The following NRXN3 variants were observed in gnomAD, a reference collection of about 807,000 sequenced individuals.
NRXN3 encodes neurexin III.
Under a neutral mutation model 137.6 loss-of-function variants are expected in NRXN3, and 32 were observed. The ratio of observed to expected loss-of-function variants is 0.23; its 90% CI spans 0.18 to 0.31. The LOEUF (loss-of-function observed/expected upper bound fraction) is 0.31. Ranked by LOEUF, NRXN3 falls within the 10% of genes least tolerant of loss-of-function variation. The probability of loss-of-function intolerance (pLI) is 1.00; values close to 1 mark genes in which losing one functional copy is unlikely to be tolerated. For synonymous variants in NRXN3, 798 were observed against 784.5 expected, an observed-to-expected ratio of 1.02 and a Z score of -0.29; for missense variants, 1,574 against 2,062.5, an observed-to-expected ratio of 0.76 and a Z score of 4.59.
intron 8 of NRXN3, among the ~76,000 whole-genome samples, chr14:78,715,565 A>G (rs2098427506): frequency 6.6e-6 from 1 of 152,144 alleles, no homozygotes; most frequent in Non-Finnish European, 1.5e-5. Context: ...GTTTTTATGG[A>G]GCTTGCTGCC....
chr14:79,049,449 C>T (rs916975076), intron 15 of NRXN3, among the ~76,000 whole-genome samples: 5 of 152,228 alleles, frequency 3.3e-5, no homozygotes, highest in Non-Finnish European at 7.4e-5. Context: ...TTGCTATTTC[C>T]ACCACATCTG....
chr14:78,428,139 T>C (rs1420344402), intron 4 of NRXN3, among the ~76,000 whole-genome samples: 2 of 152,218 alleles, frequency 1.3e-5, no homozygotes, highest in Non-Finnish European at 2.9e-5. Flanking sequence ...ACCACAAACA[T>C]AGCACCTGCC....
At chr14:79,490,186 G>C (rs2096702773) in intron 16 of NRXN3, among the ~76,000 whole-genome samples, 1 of 152,056 alleles carries the variant, frequency 6.6e-6, no homozygotes, top group South Asian at 2.1e-4. Flanking sequence ...ATAACATGGA[G>C]AAAAGGGAAC....
chr14:78,587,247 T>C (rs903699933), intron 4 of NRXN3, among the ~76,000 whole-genome samples: 2 of 152,206 alleles, frequency 1.3e-5, no homozygotes, highest in African/African-American at 4.8e-5. Flanking sequence ...CATTTCTTAT[T>C]GGTCCTTCTC....
intron 16 of NRXN3, among the ~76,000 whole-genome samples, chr14:79,625,042 T>C (rs898012621): frequency 9.9e-5 from 15 of 152,066 alleles, no homozygotes; most frequent in African/African-American, 3.1e-4. Flanking sequence ...CAAGTGATTC[T>C]CCCACCTCAG....
intron 1 of NRXN3, among the ~76,000 whole-genome samples, chr14:78,170,952 C>CTTCT (rs1053934688): frequency 3.2e-5 from 4 of 126,188 alleles, no homozygotes; most frequent in South Asian, 2.7e-4. Context: ...TCTTCTTCTT[C>CTTCT]TTTTTTTTTT....
chr14:79,771,512 C>G (rs1420630827), intron 19 of NRXN3, among the ~76,000 whole-genome samples: 8,268 of 91,810 alleles, frequency 0.09, no homozygotes, highest in Non-Finnish European at 0.097. Context: ...TAAACAGAAC[C>G]AAAGACAAAA....
chr14:79,743,180 G>A (rs2098968492), intron 19 of NRXN3, among the ~76,000 whole-genome samples: 1 of 152,088 alleles, frequency 6.6e-6, no homozygotes, highest in African/African-American at 2.4e-5. Context: ...GTATTTTAAA[G>A]GAATATATTT....
At chr14:79,675,779 AAGAC>A (rs1468738544) in intron 17 of NRXN3, among the ~76,000 whole-genome samples, 1 of 152,096 alleles carries the variant, frequency 6.6e-6, no homozygotes, top group African/African-American at 2.4e-5. Flanking sequence ...TTCAACACCA[AAGAC>A]AGACACAGAT....
chr14:78,600,964 T>C (rs906483828), intron 4 of NRXN3, among the ~76,000 whole-genome samples: 2 of 152,162 alleles, frequency 1.3e-5, no homozygotes, highest in Non-Finnish European at 2.9e-5. Context: ...TGTCACCAGA[T>C]CTTACAATTC....
intron 4 of NRXN3, among the ~76,000 whole-genome samples, chr14:78,385,440 AAATT>A (rs1245145059): frequency 2.0e-5 from 3 of 152,324 alleles, no homozygotes; most frequent in Non-Finnish European, 2.9e-5. Flanking sequence ...CAAAAAATTG[AAATT>A]AATTGTGTTA....
chr14:78,791,620 A>G (rs1186637208), intron 8 of NRXN3, among the ~76,000 whole-genome samples: 3 of 152,212 alleles, frequency 2.0e-5, no homozygotes, highest in East Asian at 1.9e-4. Context: ...GGAGAAAAAA[A>G]TATATGTAAT....
At chr14:79,385,966 A>G (rs571920304) in intron 15 of NRXN3, among the ~76,000 whole-genome samples, 1 of 152,174 alleles carries the variant, frequency 6.6e-6, no homozygotes, top group South Asian at 2.1e-4. Flanking sequence ...AAATCATAAG[A>G]GCTATCTATG....
chr14:78,977,098 A>C (rs138755434), intron 14 of NRXN3, among the ~76,000 whole-genome samples: 2 of 152,198 alleles, frequency 1.3e-5, no homozygotes, highest in Non-Finnish European at 2.9e-5. Context: ...TGAGGTTTAG[A>C]GTTTAATATC....
At chr14:79,634,834 C>T (rs1375151218) in intron 16 of NRXN3, among the ~76,000 whole-genome samples, 5 of 152,180 alleles carry the variant, frequency 3.3e-5, no homozygotes, top group Admixed American at 6.5e-5. Flanking sequence ...CGTCTAGCCT[C>T]GCCAGACTCT....
At chr14:78,569,082 C>A (rs2096864452) in intron 4 of NRXN3, among the ~76,000 whole-genome samples, 2 of 150,424 alleles carry the variant, frequency 1.3e-5, no homozygotes, top group African/African-American at 4.9e-5. Context: ...ATTCTTCTGC[C>A]TCAGCCTCCT....
At chr14:79,683,469 A>G (rs2098680545) in intron 17 of NRXN3, among the ~76,000 whole-genome samples, 1 of 152,206 alleles carries the variant, frequency 6.6e-6, no homozygotes, top group African/African-American at 2.4e-5. Context: ...GTATACTGTA[A>G]TGTACAGAGA....
intron 5 of NRXN3, among the ~76,000 whole-genome samples, chr14:78,648,098 A>G (rs776883803): frequency 2.2e-4 from 33 of 152,228 alleles, no homozygotes; most frequent in Non-Finnish European, 1.5e-4. Flanking sequence ...GTCAGGACCA[A>G]GGCCAGGTAT....
chr14:78,650,574 A>G (rs1042562271), intron 5 of NRXN3, among the ~76,000 whole-genome samples: 2 of 151,976 alleles, frequency 1.3e-5, no homozygotes, highest in Non-Finnish European at 2.9e-5. Context: ...CATGGCATGT[A>G]TCATCCATGA....
Sources: gnomAD v4.1 joint callset for allele counts (sites outside exome capture counted in the v4.1 genomes callset) on GRCh38, gnomAD v4.1.1 for gene constraint, MANE v1.5 for transcripts, NCBI Gene and HGNC (gene_info 2026-07-23, HGNC 2026-07-21) for gene names.